TOMM70: variants seen among roughly 807,000 people sequenced by gnomAD.
The protein encoded by TOMM70 is mitochondrial import receptor subunit TOM70.
TOMM70 carries 13 observed loss-of-function variants against 73.6 expected under a neutral mutation model. That is an observed-to-expected ratio of 0.18 (90% confidence interval 0.11 to 0.28). TOMM70 has a LOEUF of 0.28. TOMM70 is among the 10% of genes least tolerant of loss of function. TOMM70 has a pLI of 1.00. For missense variants in TOMM70, 609 were observed against 747.5 expected (o/e 0.81, Z 2.16); for synonymous variants, 257 against 271.2 (o/e 0.95, Z 0.51).
chr3:100,383,436 T>G (rs1253701237), intron 4 of TOMM70, among the ~76,000 whole-genome samples: 1 of 151,838 alleles, frequency 6.6e-6, no homozygotes, highest in African/African-American at 2.4e-5. Context: ...GGAACGAGAA[T>G]TGCTTGAACC....
chr3:100,387,292 C>T (rs1039813821), intron 1 of TOMM70, among the ~76,000 whole-genome samples: 1 of 151,972 alleles, frequency 6.6e-6, no homozygotes, highest in Non-Finnish European at 1.5e-5. Context: ...ATTAAAAATA[C>T]AAAAAATAGC....
rs1380348019 is a variant in TOMM70 at position 100,369,140 on chromosome 3, G to A, written c.1453-5C>T. Reference sequence around the variant, plus strand: ...CTGTTGTTGATCTGTTAATGCCTATGTGAGGAGATACTTCAGTTATATTAA... The same window carrying A: ...CTGTTGTTGATCTGTTAATGCCTATATGAGGAGATACTTCAGTTATATTAA... On this transcript the variant is annotated splice_polypyrimidine_tract_variant and splice_region_variant and intron_variant, in intron 9 of 11. Coordinates refer to ENST00000284320, the MANE Select transcript of TOMM70 (RefSeq NM_014820.5). 1.9e-6 allele frequency: 3 copies of A among 1,595,680 alleles called. No homozygotes were observed. The highest frequency in any genetic ancestry group is 3.4e-5 in the Admixed American group (2 of 59,594).
chr3:100,378,931 C>T (rs1434556170), intron 5 of TOMM70, among the ~76,000 whole-genome samples: 2 of 152,030 alleles, frequency 1.3e-5, no homozygotes, highest in East Asian at 1.9e-4. Flanking sequence ...GGCATGAACC[C>T]GGGAGGCGGA....
In TOMM70 at chr3:100,397,907, G is replaced by A. The variant is rs1249296811; in HGVS notation, c.324+2719C>T. ...CCGTATCAAAAAAAAAAAGTTATTT[G>A]TAAAACTAAAAAACTCTGAAATATC... On this transcript the variant is annotated intron_variant, in intron 1 of 11. Coordinates refer to ENST00000284320, the MANE Select transcript of TOMM70 (RefSeq NM_014820.5). Among the ~76,000 whole-genome samples the A allele has an allele frequency of 5.9e-5, 9 of 151,688 alleles. No homozygotes were observed. The East Asian group carries it at 1.8e-3, about 30-fold the overall frequency.
chr3:100,376,159 G>T (rs750734834), intron 6 of TOMM70, among the ~76,000 whole-genome samples: 1 of 152,008 alleles, frequency 6.6e-6, no homozygotes, highest in Non-Finnish European at 1.5e-5. Flanking sequence ...CAACAATCTT[G>T]TCATTTATTA....
intron 10 of TOMM70, 86 bp downstream of exon 10, chr3:100,368,952 C>A (rs1248258801): frequency 1.1e-5 from 10 of 897,714 alleles, no homozygotes; most frequent in East Asian, 4.9e-5. Flanking sequence ...CTACCACAGT[C>A]CCCTTCCTCA....
At chr3:100,368,461 G>C (rs185173660) in intron 10 of TOMM70, among the ~76,000 whole-genome samples, 1 of 152,114 alleles carries the variant, frequency 6.6e-6, no homozygotes, top group Non-Finnish European at 1.5e-5. Context: ...ATTCAAGTAC[G>C]CAAGGACACG....
intron 1 of TOMM70, among the ~76,000 whole-genome samples, chr3:100,387,599 GAC>G (rs71752325): frequency 0.092 from 10,871 of 117,996 alleles, 513 homozygotes; most frequent in East Asian, 0.18. Context: ...CACAGACACA[GAC>G]ACACACACAC....
Position 100,375,086 on chromosome 3 carries a change from T to G in TOMM70, c.1159A>C (p.Thr387Pro). The change falls in exon 7 of 12, where the codon ACT becomes CCT. Residue 387 changes from threonine to proline, a missense_variant. Thr to Pro is a conservative substitution (Grantham distance 38). Transcript: ENST00000284320. ...YMQQQQPLLS[T>P]QDFNMAADID... is the part of the protein sequence containing the mutation. Reference sequence around the variant, plus strand: ...TCAGCAGCCATGTTAAAATCTTGAGTGGACAGCAAAGGCTGCTGCTGTTGC... The same window carrying G: ...TCAGCAGCCATGTTAAAATCTTGAGGGGACAGCAAAGGCTGCTGCTGTTGC... 6.2e-7 allele frequency: 1 copy of G among 1,610,280 alleles called. No individual in the cohort carries two copies. The highest frequency in any genetic ancestry group is 8.5e-7 in the Non-Finnish European group (1 of 1,178,602).
intron 6 of TOMM70, 35 bp downstream of exon 6, chr3:100,377,670 T>C: frequency 6.3e-6 from 10 of 1,583,068 alleles, no homozygotes; most frequent in Non-Finnish European, 8.6e-6. Flanking sequence ...TCGCCTTCTA[T>C]TTAATAATTT....
intron 10 of TOMM70, among the ~76,000 whole-genome samples, chr3:100,368,587 T>C (rs1160529400): frequency 2.0e-5 from 3 of 152,196 alleles, no homozygotes; most frequent in African/African-American, 7.2e-5. Flanking sequence ...TTCTTTTTGT[T>C]TTTTTTGGGA....
Position 100,374,964 on chromosome 3 carries a change from T to C in TOMM70, c.1227+54A>G, listed in dbSNP as rs1706546304. 15 of 1,451,244 alleles carry C rather than the reference T, an allele frequency of 1.0e-5. No homozygotes were observed. The South Asian group carries it at 2.2e-4, about 21-fold the overall frequency. 89.9% of individuals were successfully genotyped at this position (1,451,244 alleles called of 1,614,324 possible). ...AAATTACATAAGAAATTCTCAAAAATGGTATCAAAGCTCAATCCACAAGTC... is the reference window on the plus strand; with the variant it reads ...AAATTACATAAGAAATTCTCAAAAACGGTATCAAAGCTCAATCCACAAGTC... On this transcript the variant is annotated intron_variant, in intron 7 of 11. Transcript: ENST00000284320.
Position 100,375,016 on chromosome 3 carries a change from AC to A in TOMM70, c.1227+1del. The A allele has an allele frequency of 6.3e-7, 1 of 1,596,178 alleles. No homozygotes were observed. Among genetic ancestry groups the A allele is most frequent in the Non-Finnish European group, 8.5e-7 (1 of 1,171,362 alleles). ...GACCTCTAGGTAAGAAAACAGACTT[AC>A]CTGTCCTCGGTGGTGATAAACATCT... On this transcript the variant is annotated splice_donor_variant, in intron 7 of 11. Coordinates refer to ENST00000284320, the MANE Select transcript of TOMM70 (RefSeq NM_014820.5). LOFTEE classifies it high-confidence loss of function.
chr3:100,385,010 C>T (rs74343193), intron 3 of TOMM70, among the ~76,000 whole-genome samples: 1 of 152,318 alleles, frequency 6.6e-6, no homozygotes, highest in African/African-American at 2.4e-5. Context: ...TGCCTCAATA[C>T]CATTTTCATC....
intron 9 of TOMM70, among the ~76,000 whole-genome samples, chr3:100,371,316 G>C (rs1446162103): frequency 6.9e-6 from 1 of 144,624 alleles, no homozygotes; most frequent in Non-Finnish European, 1.5e-5. Flanking sequence ...CCAGGCTGGA[G>C]TGTGGTAGTG....
intron 4 of TOMM70, among the ~76,000 whole-genome samples, chr3:100,383,808 T>C (rs1706662673): frequency 6.6e-6 from 1 of 152,216 alleles, no homozygotes; most frequent in Non-Finnish European, 1.5e-5. Context: ...GTGATGCCTA[T>C]GGTACTCTCT....
intron 5 of TOMM70, among the ~76,000 whole-genome samples, chr3:100,379,889 G>A (rs1706610767): frequency 6.6e-6 from 1 of 152,082 alleles, no homozygotes; most frequent in Admixed American, 6.5e-5. Context: ...AAAGTGTTGG[G>A]ATTACAGGCA....
chr3:100,383,300 C>T (rs893253424), intron 4 of TOMM70, among the ~76,000 whole-genome samples: 8 of 151,914 alleles, frequency 5.3e-5, no homozygotes, highest in African/African-American at 9.7e-5. Flanking sequence ...GGAAGTTGGA[C>T]GGCTTGAGCT....
At chr3:100,394,424 C>T (rs1267563108) in intron 1 of TOMM70, among the ~76,000 whole-genome samples, 1 of 148,214 alleles carries the variant, frequency 6.7e-6, no homozygotes, top group Non-Finnish European at 1.5e-5. Context: ...GATGTCCACT[C>T]ACTGCAACCT....
Sources: allele counts gnomAD v4.1 joint callset (sites outside exome capture counted in the v4.1 genomes callset), GRCh38; gene constraint gnomAD v4.1.1; transcripts MANE v1.5; gene names NCBI Gene and HGNC (gene_info 2026-07-23, HGNC 2026-07-21).